The following PEX5L variants were observed in gnomAD, a reference collection of about 807,000 sequenced individuals.
PEX5L encodes PEX5-related protein.
Under a neutral mutation model 84.0 loss-of-function variants are expected in PEX5L, and 30 were observed. The ratio of observed to expected loss-of-function variants is 0.36; its 90% CI spans 0.27 to 0.48. PEX5L has a LOEUF of 0.48. PEX5L is among the 20% of genes least tolerant of loss of function. The probability of loss-of-function intolerance (pLI) is 0.99; values close to 1 mark genes in which losing one functional copy is unlikely to be tolerated. For synonymous variants in PEX5L, 270 were observed against 283.1 expected (o/e 0.95, Z 0.46); for missense variants, 533 against 754.6 (o/e 0.71, Z 3.44).
At chr3:179,985,649 C>T (rs1007855608) in intron 1 of PEX5L, among the ~76,000 whole-genome samples, 4 of 152,046 alleles carry the variant, frequency 2.6e-5, no homozygotes, top group East Asian at 1.9e-4. Context: ...GCCAGTCCAC[C>T]TTAGCTTAAA....
intron 1 of PEX5L, among the ~76,000 whole-genome samples, chr3:179,979,995 C>A (rs563854045): frequency 5.9e-5 from 9 of 152,212 alleles, no homozygotes; most frequent in Admixed American, 2.6e-4. Flanking sequence ...TATGACCTTG[C>A]AAACTAAAAC....
intron 1 of PEX5L, among the ~76,000 whole-genome samples, chr3:180,024,380 A>C (rs1790731170): frequency 1.5e-5 from 2 of 133,664 alleles, no homozygotes; most frequent in African/African-American, 2.9e-5. Flanking sequence ...ATATACACAC[A>C]CAAAAAAAAA....
At chr3:179,922,300 G>A (rs1291840494) in intron 2 of PEX5L, among the ~76,000 whole-genome samples, 1 of 152,146 alleles carries the variant, frequency 6.6e-6, no homozygotes, top group Admixed American at 6.5e-5. Flanking sequence ...CATGGTAAAT[G>A]CCATTAAGGA....
intron 8 of PEX5L, among the ~76,000 whole-genome samples, chr3:179,839,010 TAAAGA>T (rs1396974962): frequency 1.3e-5 from 2 of 151,680 alleles, no homozygotes; most frequent in Non-Finnish European, 2.9e-5. Flanking sequence ...CAGACTCTGA[TAAAGA>T]AAGGCTTTCT....
Position 179,795,554 on chromosome 3 carries a change from T to A in PEX5L, c.*6274A>T, listed in dbSNP as rs1716598942. ...GATACAGTATCACATAATATGCCAATCACTTTAAAATCCCCTCCCCCCCAT... is the reference window on the plus strand; with the variant it reads ...GATACAGTATCACATAATATGCCAAACACTTTAAAATCCCCTCCCCCCCAT... On this transcript the variant is annotated 3_prime_UTR_variant, in exon 15 of 15. Transcript: ENST00000467460. The A allele has an allele frequency of 6.6e-6, 1 of 151,974 alleles. No homozygotes were observed. Among genetic ancestry groups the A allele is most frequent in the Non-Finnish European group, 1.5e-5 (1 of 68,022 alleles). The allele number at this position is 151,974 out of a possible 1,614,324, so 9.4% of individuals were successfully genotyped here.
At chr3:179,936,279 G>A (rs920239865) in intron 2 of PEX5L, among the ~76,000 whole-genome samples, 1 of 152,058 alleles carries the variant, frequency 6.6e-6, no homozygotes, top group Admixed American at 6.5e-5. Context: ...TGCTGTCAAT[G>A]TACTTTATTT....
intron 14 of PEX5L, among the ~76,000 whole-genome samples, chr3:179,802,633 A>T (rs1293059470): frequency 6.6e-6 from 1 of 152,208 alleles, no homozygotes; most frequent in South Asian, 2.1e-4. Flanking sequence ...ATGCAAATTC[A>T]TTAATGCATT....
intron 8 of PEX5L, among the ~76,000 whole-genome samples, chr3:179,847,157 T>A (rs1338726908): frequency 6.6e-6 from 1 of 151,706 alleles, no homozygotes; most frequent in Non-Finnish European, 1.5e-5. Flanking sequence ...TATTGATATA[T>A]CTCCTATTGG....
At chr3:179,823,957 A>T (rs773446639) in intron 8 of PEX5L, among the ~76,000 whole-genome samples, 3 of 152,180 alleles carry the variant, frequency 2.0e-5, no homozygotes, top group Non-Finnish European at 4.4e-5. Flanking sequence ...TATACTTTAA[A>T]ATGTTTTCCC....
intron 2 of PEX5L, among the ~76,000 whole-genome samples, chr3:179,953,860 A>T (rs768243513): frequency 1.3e-5 from 2 of 152,180 alleles, no homozygotes; most frequent in Non-Finnish European, 2.9e-5. Context: ...AAAGAGCTGA[A>T]AAGGGAAATG....
chr3:179,877,878 C>T (rs903033295), intron 5 of PEX5L, among the ~76,000 whole-genome samples: 1 of 152,222 alleles, frequency 6.6e-6, no homozygotes, highest in African/African-American at 2.4e-5. Context: ...CAAAGACAGA[C>T]CTCAAAGAGG....
intron 2 of PEX5L, among the ~76,000 whole-genome samples, chr3:179,930,358 A>G (rs943886339): frequency 2.6e-5 from 4 of 152,162 alleles, no homozygotes; most frequent in Admixed American, 6.5e-5. Context: ...CCTGTTATAT[A>G]TGGAATAACT....
chr3:179,923,301 A>AC (rs1553900532), intron 2 of PEX5L, among the ~76,000 whole-genome samples: 3 of 143,274 alleles, frequency 2.1e-5, no homozygotes, highest in Admixed American at 1.4e-4. Flanking sequence ...AAAAAAAAAA[A>AC]AAAAAAAAAA....
At chr3:179,912,669 G>A (rs903320116) in intron 2 of PEX5L, among the ~76,000 whole-genome samples, 1 of 151,938 alleles carries the variant, frequency 6.6e-6, no homozygotes. Context: ...ATTTAGAATT[G>A]GTCGAATCTC....
chr3:179,934,254 G>A (rs1353998387), intron 2 of PEX5L, among the ~76,000 whole-genome samples: 1 of 152,176 alleles, frequency 6.6e-6, no homozygotes, highest in Non-Finnish European at 1.5e-5. Flanking sequence ...CTGCACAAGT[G>A]GATATGGCAA....
chr3:179,812,145 G>A (rs113207647), intron 10 of PEX5L, among the ~76,000 whole-genome samples: 16 of 152,080 alleles, frequency 1.1e-4, no homozygotes, highest in African/African-American at 2.4e-4. Flanking sequence ...CTGAGATTTC[G>A]TTATATTAGG....
intron 2 of PEX5L, among the ~76,000 whole-genome samples, chr3:179,954,576 A>G (rs1780024522): frequency 6.6e-6 from 1 of 152,106 alleles, no homozygotes; most frequent in South Asian, 2.1e-4. Context: ...CCTAGTGGGT[A>G]CTAGGCATTG....
intron 7 of PEX5L, among the ~76,000 whole-genome samples, chr3:179,860,104 GA>G (rs1201739546): frequency 6.7e-6 from 1 of 148,238 alleles, no homozygotes; most frequent in East Asian, 1.9e-4. Flanking sequence ...ATTTACCTTG[GA>G]GAGTTTCCAT....
intron 8 of PEX5L, among the ~76,000 whole-genome samples, chr3:179,858,861 G>A (rs1281911885): frequency 1.3e-5 from 2 of 152,094 alleles, no homozygotes; most frequent in Non-Finnish European, 2.9e-5. Flanking sequence ...TGTCATCCCT[G>A]GTGGGAAATC....
Sources: gnomAD v4.1 joint callset for allele counts (sites outside exome capture counted in the v4.1 genomes callset) on GRCh38, gnomAD v4.1.1 for gene constraint, MANE v1.5 for transcripts, NCBI Gene and HGNC (gene_info 2026-07-23, HGNC 2026-07-21) for gene names.